Variants in PEX7 observed in about 807,000 individuals in gnomAD.
The protein encoded by PEX7 is PTS2 receptor.
Under a neutral mutation model 47.5 loss-of-function variants are expected in PEX7, and 34 were observed. The ratio of observed to expected loss-of-function variants is 0.72; its 90% confidence interval spans 0.54 to 0.95. PEX7 has a LOEUF of 0.95. PEX7 is among the 40% of genes least tolerant of loss of function. The pLI, the probability that PEX7 is intolerant of heterozygous loss-of-function variation, is 0.00. For synonymous variants in PEX7, 141 were observed against 148.8 expected (o/e 0.95, Z 0.38); for missense variants, 394 against 400.3 (o/e 0.98, Z 0.13).
At chr6:136,886,187 A>G (rs1269390115) in intron 8 of PEX7, among the ~76,000 whole-genome samples, 1 of 152,176 alleles carries the variant, frequency 6.6e-6, no homozygotes, top group Non-Finnish European at 1.5e-5. Context: ...CTTGGAGGTG[A>G]AAGAGAAGTA....
Position 136,825,256 on chromosome 6 carries a change from T to C in PEX7, c.173T>C (p.Leu58Pro). The change falls in exon 2 of 10, where the codon CTA (leucine) becomes CCA (proline). Residue 58 changes from leucine to proline, a missense_variant. Coordinates refer to ENST00000318471, the MANE Select transcript of PEX7 (RefSeq NM_000288.4). ...ATATTGGATCCAGATGAAGCTGGGC[T>C]AAGGCTTTTTAGAAGGTAAGGGGGC... is the stretch of plus-strand genomic sequence containing the variant. ...LLILDPDEAG[L>P]RLFRSFDWND... 2.5e-6 allele frequency: 4 copies of C among 1,613,392 alleles called. No individual in the cohort carries two copies. Among genetic ancestry groups the C allele is most frequent in the Non-Finnish European group, 3.4e-6 (4 of 1,179,304 alleles).
rs183964028 is a variant in PEX7 at position 136,848,173 on chromosome 6, T to C, written c.526+1992T>C. ...TCTGTTATTGGTGTATAGGAATGCTTGTGATTCTTGCACATTGATTTTGTA... is the reference window on the plus strand; with the variant it reads ...TCTGTTATTGGTGTATAGGAATGCTCGTGATTCTTGCACATTGATTTTGTA... On this transcript the variant is annotated intron_variant, in intron 5 of 9. Coordinates refer to ENST00000318471, the MANE Select transcript of PEX7 (RefSeq NM_000288.4). Among the ~76,000 whole-genome samples the C allele has an allele frequency of 3.3e-5, 5 of 152,314 alleles. No homozygotes were observed. In the East Asian group the frequency reaches 7.7e-4, roughly 23 times the overall value.
chr6:136,913,524 T>C lies in PEX7; in HGVS notation c.970T>C (p.Ter324ArgextTer13), dbSNP rs988988279. The C allele has an allele frequency of 8.1e-6, 13 of 1,597,132 alleles. No homozygotes were observed. Among genetic ancestry groups the C allele is most frequent in the Non-Finnish European group, 1.1e-5 (13 of 1,165,026 alleles). ...YDPACLTIPA[*>R] The stretch of plus-strand genomic sequence containing the variant: ...CCCTGCTTGTCTTACTATTCCTGCT[T>C]GAGATACACTACTTTGGTCAGAAAC... The change falls in exon 10 of 10, where the codon TGA becomes CGA. Residue 324 changes from the stop codon to arginine (R), a stop_lost. Coordinates refer to ENST00000318471, the MANE Select transcript of PEX7 (RefSeq NM_000288.4).
chr6:136,871,313 C>T (rs1481184336), intron 7 of PEX7, among the ~76,000 whole-genome samples: 1 of 152,184 alleles, frequency 6.6e-6, no homozygotes. Context: ...TATTACTCAT[C>T]TAGAAGACGT....
At chr6:136,844,372 GA>G (rs71009512) in intron 3 of PEX7, among the ~76,000 whole-genome samples, 61,233 of 148,052 alleles carry the variant, frequency 0.41, 13,095 homozygotes, top group South Asian at 0.52. Context: ...CCCTGTTTTG[GA>G]AAAAAAAAAA....
At chr6:136,913,144 A>C (rs3799481) in intron 9 of PEX7, among the ~76,000 whole-genome samples, 96,225 of 152,048 alleles carry the variant, frequency 0.63, 31,550 homozygotes, top group African/African-American at 0.83. Flanking sequence ...CGACATTTAT[A>C]TCAGATAGTA....
intron 9 of PEX7, among the ~76,000 whole-genome samples, chr6:136,906,375 G>T (rs1775845369): frequency 6.6e-6 from 1 of 152,088 alleles, no homozygotes; most frequent in Admixed American, 6.6e-5. Context: ...AGAGTCCAAT[G>T]AGAAAGTCAG....
intron 9 of PEX7, among the ~76,000 whole-genome samples, chr6:136,902,392 T>G (rs547793086): frequency 3.3e-5 from 5 of 152,318 alleles, no homozygotes; most frequent in African/African-American, 4.8e-5. Context: ...TTCTTAGAGA[T>G]CTGAGAAATG....
chr6:136,890,081 G>C (rs1775529358), intron 8 of PEX7, among the ~76,000 whole-genome samples: 1 of 152,170 alleles, frequency 6.6e-6, no homozygotes, highest in African/African-American at 2.4e-5. Context: ...TTTGAGGTCT[G>C]TCCTGAAACC....
chr6:136,891,264 G>A (rs894825325), intron 8 of PEX7, among the ~76,000 whole-genome samples: 8 of 152,204 alleles, frequency 5.3e-5, no homozygotes, highest in Admixed American at 2.6e-4. Context: ...ATGAAGTAAA[G>A]TCTGCTTCTC....
intron 3 of PEX7, among the ~76,000 whole-genome samples, chr6:136,838,349 C>T (rs927048114): frequency 6.6e-6 from 1 of 152,150 alleles, no homozygotes; most frequent in African/African-American, 2.4e-5. Flanking sequence ...CATGAGGAAA[C>T]ATTTGGGATA....
chr6:136,882,165 T>C (rs1048111153), intron 8 of PEX7, among the ~76,000 whole-genome samples: 5 of 142,908 alleles, frequency 3.5e-5, no homozygotes, highest in Non-Finnish European at 7.6e-5. Context: ...CTTTTCCCCC[T>C]CTTCTTCTTC....
intron 8 of PEX7, among the ~76,000 whole-genome samples, chr6:136,893,480 C>T (rs913097901): frequency 1.3e-5 from 2 of 152,168 alleles, no homozygotes; most frequent in African/African-American, 4.8e-5. Flanking sequence ...TGTCAATTGT[C>T]ATTACGTTTG....
intron 5 of PEX7, among the ~76,000 whole-genome samples, chr6:136,862,148 C>T (rs1222213668): frequency 2.7e-5 from 4 of 149,758 alleles, no homozygotes; most frequent in African/African-American, 9.8e-5. Context: ...CTCACTGCAA[C>T]CTCCACCCCT....
At chr6:136,870,078 T>A in intron 7 of PEX7, 75 bp downstream of exon 7, 2 of 957,866 alleles carry the variant, frequency 2.1e-6, no homozygotes, top group Non-Finnish European at 3.2e-6. Context: ...TATTAAAAAG[T>A]GTTCTGGGTT....
intron 5 of PEX7, among the ~76,000 whole-genome samples, chr6:136,848,797 T>G (rs1002432641): frequency 6.6e-6 from 1 of 152,208 alleles, no homozygotes; most frequent in Admixed American, 6.5e-5. Context: ...TCAGGGATAT[T>G]GGTCTAAAAT....
chr6:136,907,141 T>C (rs1178920223), intron 9 of PEX7, among the ~76,000 whole-genome samples: 2 of 152,166 alleles, frequency 1.3e-5, no homozygotes, highest in Non-Finnish European at 2.9e-5. Context: ...CTTCCTTCTC[T>C]CCTCCTCTTC....
At chr6:136,869,381 A>T (rs1775133635) in intron 6 of PEX7, among the ~76,000 whole-genome samples, 1 of 151,900 alleles carries the variant, frequency 6.6e-6, no homozygotes. Flanking sequence ...AAGTAGCTAA[A>T]ATTACAGGTG....
chr6:136,859,939 G>A (rs1321865949), intron 5 of PEX7, among the ~76,000 whole-genome samples: 2 of 151,552 alleles, frequency 1.3e-5, no homozygotes, highest in East Asian at 1.9e-4. Flanking sequence ...CAGGAGAATC[G>A]CTTGAACCCT....
Sources: gnomAD v4.1 joint callset for allele counts (sites outside exome capture counted in the v4.1 genomes callset) on GRCh38, gnomAD v4.1.1 for gene constraint, MANE v1.5 for transcripts, NCBI Gene and HGNC (gene_info 2026-07-23, HGNC 2026-07-21) for gene names.